Variants in IGF2BP2 observed in about 807,000 individuals in gnomAD.
The protein encoded by IGF2BP2 is insulin like growth factor 2 mRNA binding protein 2.
IGF2BP2 carries 17 observed loss-of-function variants against 75.8 expected under a neutral mutation model. The observed-to-expected ratio is 0.22, with a 90% CI of 0.15 to 0.34. The LOEUF (loss-of-function observed/expected upper bound fraction) is 0.34, where lower values mean the gene tolerates loss of function less well. IGF2BP2 is among the 10% of genes least tolerant of loss of function. The pLI is 1.00. For missense variants in IGF2BP2, 516 were observed against 772.4 expected (o/e 0.67, Z 3.93); for synonymous variants, 288 against 295.6 (o/e 0.97, Z 0.26).
chr3:185,758,169 G>A (rs1308691712), intron 2 of IGF2BP2, among the ~76,000 whole-genome samples: 1 of 152,200 alleles, frequency 6.6e-6, no homozygotes, highest in Admixed American at 6.5e-5. Context: ...ATACGTTCAT[G>A]CAACAAAACA....
intron 5 of IGF2BP2, among the ~76,000 whole-genome samples, chr3:185,691,693 C>T (rs1006273566): frequency 1.3e-5 from 2 of 151,878 alleles, no homozygotes; most frequent in African/African-American, 2.4e-5. Flanking sequence ...GTAATCCTCA[C>T]CCTCCCAAGT....
At position 185,819,785 on chromosome 3, in the gene IGF2BP2, GT is replaced by G. The variant is rs200929131; in HGVS notation, c.239+3367del. On this transcript the variant is annotated intron_variant, in intron 2 of 15. Transcript: ENST00000382199. ...TTTTAACCTAATAAAAGTCATTTCTGTTTCTAGAAAATTAAAAATTGATGCA... is the reference window on the plus strand; with the variant it reads ...TTTTAACCTAATAAAAGTCATTTCTGTTCTAGAAAATTAAAAATTGATGCA... 3.4e-4 allele frequency among the ~76,000 whole-genome samples: 51 copies of G among 152,156 alleles called. 1 individual carries two copies. The East Asian group carries it at 8.1e-3, about 24-fold the overall frequency.
intron 2 of IGF2BP2, among the ~76,000 whole-genome samples, chr3:185,752,921 A>T (rs1333226060): frequency 6.6e-6 from 1 of 152,190 alleles, no homozygotes. Context: ...TAAAAAAATA[A>T]GTAAGAGGGA....
At chr3:185,736,524 T>C (rs1271766553) in intron 2 of IGF2BP2, among the ~76,000 whole-genome samples, 1 of 152,192 alleles carries the variant, frequency 6.6e-6, no homozygotes, top group Non-Finnish European at 1.5e-5. Flanking sequence ...ATGTGCACCA[T>C]CATTCCCTAC....
intron 2 of IGF2BP2, among the ~76,000 whole-genome samples, chr3:185,822,143 T>C (rs918400878): frequency 6.6e-6 from 1 of 152,192 alleles, no homozygotes; most frequent in Non-Finnish European, 1.5e-5. Flanking sequence ...CAGCAACACA[T>C]CTAAGTATTT....
chr3:185,742,117 T>C (rs1373823286), intron 2 of IGF2BP2, among the ~76,000 whole-genome samples: 4 of 150,406 alleles, frequency 2.7e-5, no homozygotes, highest in Non-Finnish European at 5.9e-5. Context: ...AAATAATAAA[T>C]GATAAATTTT....
At chr3:185,764,712 C>T (rs751134427) in intron 2 of IGF2BP2, among the ~76,000 whole-genome samples, 1 of 152,152 alleles carries the variant, frequency 6.6e-6, no homozygotes, top group Admixed American at 6.5e-5. Context: ...AATTATATTA[C>T]GATAAAACAG....
chr3:185,688,342 C>CTATT (rs935005472), intron 6 of IGF2BP2, among the ~76,000 whole-genome samples: 9 of 152,228 alleles, frequency 5.9e-5, no homozygotes, highest in East Asian at 3.9e-4. Context: ...CAGGAACCCT[C>CTATT]TATTTATTTA....
intron 2 of IGF2BP2, among the ~76,000 whole-genome samples, chr3:185,753,391 C>T (rs936698807): frequency 3.3e-5 from 5 of 152,052 alleles, no homozygotes; most frequent in Non-Finnish European, 5.9e-5. Flanking sequence ...GGAGAACCAA[C>T]GTTACAGGGA....
chr3:185,719,011 G>A (rs547356343), intron 2 of IGF2BP2, among the ~76,000 whole-genome samples: 3 of 152,150 alleles, frequency 2.0e-5, no homozygotes, highest in Admixed American at 6.5e-5. Flanking sequence ...TGTGGACCGC[G>A]GTAGGACTAT....
At chr3:185,723,621 A>G (rs1388758177) in intron 2 of IGF2BP2, among the ~76,000 whole-genome samples, 1 of 152,130 alleles carries the variant, frequency 6.6e-6, no homozygotes, top group Admixed American at 6.6e-5. Flanking sequence ...AGGAGGACCG[A>G]GTGTTTTTGA....
intron 7 of IGF2BP2, among the ~76,000 whole-genome samples, chr3:185,684,402 T>C (rs1185002059): frequency 6.6e-6 from 1 of 152,068 alleles, no homozygotes; most frequent in African/African-American, 2.4e-5. Context: ...AATTTCTTTT[T>C]TTTTTTTCTT....
At chr3:185,756,229 G>A (rs1176131121) in intron 2 of IGF2BP2, among the ~76,000 whole-genome samples, 2 of 152,080 alleles carry the variant, frequency 1.3e-5, no homozygotes, top group African/African-American at 2.4e-5. Flanking sequence ...CATATGACAC[G>A]CCTGCTCTCC....
At chr3:185,760,264 GAC>G (rs1290701194) in intron 2 of IGF2BP2, among the ~76,000 whole-genome samples, 1 of 152,130 alleles carries the variant, frequency 6.6e-6, no homozygotes, top group East Asian at 1.9e-4. Flanking sequence ...CCTCGGTTAT[GAC>G]ACGTCCCCTG....
intron 2 of IGF2BP2, among the ~76,000 whole-genome samples, chr3:185,754,947 A>G (rs1252187944): frequency 2.6e-5 from 4 of 152,228 alleles, no homozygotes; most frequent in African/African-American, 9.6e-5. Flanking sequence ...AGGGAAGCAC[A>G]GTATAAAAGT....
At chr3:185,808,739 T>TA (rs1553896457) in intron 2 of IGF2BP2, among the ~76,000 whole-genome samples, 1 of 151,170 alleles carries the variant, frequency 6.6e-6, no homozygotes, top group Non-Finnish European at 1.5e-5. Context: ...TTTTTTTTTT[T>TA]ATCATTTTAG....
At chr3:185,708,932 A>G (rs1724425489) in intron 2 of IGF2BP2, among the ~76,000 whole-genome samples, 1 of 152,234 alleles carries the variant, frequency 6.6e-6, no homozygotes, top group Admixed American at 6.5e-5. Flanking sequence ...TAAAAACCAA[A>G]AGCATTTTCC....
chr3:185,802,786 G>A (rs1409367057), intron 2 of IGF2BP2, among the ~76,000 whole-genome samples: 4 of 152,128 alleles, frequency 2.6e-5, no homozygotes, highest in Non-Finnish European at 5.9e-5. Flanking sequence ...AAAATATTCA[G>A]AAGAAAAAGC....
rs61628132 is a variant in IGF2BP2, at chr3:185,697,855, G to C, written c.288+444C>G. Among the ~76,000 whole-genome samples the C allele has an allele frequency of 2.4e-3, 366 of 152,258 alleles. 1 individual carries two copies. The highest frequency in any genetic ancestry group is 8.6e-3 in the African/African-American group (359 of 41,548). On this transcript the variant is annotated intron_variant, in intron 3 of 15. Coordinates refer to ENST00000382199, the MANE Select transcript of IGF2BP2 (RefSeq NM_006548.6). ...AAAAATTAGCCGGGCATGGTGGCAT[G>C]CATCGAGTCCCAGCTACTCAGGAGG... is the stretch of plus-strand genomic sequence containing the variant.
Sources: allele counts gnomAD v4.1 joint callset (sites outside exome capture counted in the v4.1 genomes callset), GRCh38; gene constraint gnomAD v4.1.1; transcripts MANE v1.5; gene names NCBI Gene and HGNC (gene_info 2026-07-23, HGNC 2026-07-21).